Variants in CCDC73 observed in about 807,000 individuals in gnomAD.
The protein encoded by CCDC73 is coiled-coil domain containing 73.
Under a neutral mutation model 116.5 loss-of-function variants are expected in CCDC73, and 95 were observed. That is an observed-to-expected ratio of 0.82 (90% CI 0.69 to 0.97). The LOEUF (loss-of-function observed/expected upper bound fraction) is 0.97. Among genes scored for constraint, CCDC73 ranks in the 50% least tolerant of loss-of-function variants. CCDC73 has a pLI of 0.00. For synonymous variants in CCDC73, 398 were observed against 401.3 expected (o/e 0.99, Z 0.10); for missense variants, 1,066 against 1,206.8 (o/e 0.88, Z 1.73).
chr11:32,667,304 G>A (rs186701952), intron 9 of CCDC73, among the ~76,000 whole-genome samples: 18 of 152,340 alleles, frequency 1.2e-4, no homozygotes, highest in African/African-American at 4.1e-4. Flanking sequence ...GCTGTGGTGG[G>A]CTCCACCCAG....
intron 9 of CCDC73, among the ~76,000 whole-genome samples, chr11:32,665,107 T>G (rs920028882): frequency 6.6e-6 from 1 of 152,218 alleles, no homozygotes; most frequent in East Asian, 1.9e-4. Flanking sequence ...ATAAGTGTGA[T>G]GTGGTGCTGA....
At chr11:32,683,646 G>C (rs994585817) in intron 6 of CCDC73, 72 bp from the exon 7 acceptor site, 4 of 891,574 alleles carry the variant, frequency 4.5e-6, no homozygotes, top group Non-Finnish European at 7.1e-6. Context: ...GATATCAAAA[G>C]TGCGTGCTAT....
chr11:32,618,160 A>G (rs150375297), intron 14 of CCDC73, among the ~76,000 whole-genome samples: 2,284 of 152,344 alleles, frequency 0.015, 60 homozygotes, highest in African/African-American at 0.052. Flanking sequence ...TAATTTGCTT[A>G]GGATAATGGC....
chr11:32,638,908 T>C (rs1322405050), intron 13 of CCDC73, among the ~76,000 whole-genome samples: 2 of 151,830 alleles, frequency 1.3e-5, no homozygotes, highest in Admixed American at 6.6e-5. Flanking sequence ...AGCACCTTGA[T>C]AGGCCAAGGC....
intron 1 of CCDC73, among the ~76,000 whole-genome samples, chr11:32,779,936 T>A (rs1850568367): frequency 6.6e-6 from 1 of 152,126 alleles, no homozygotes; most frequent in Non-Finnish European, 1.5e-5. Flanking sequence ...TTTCTTTGGA[T>A]TAAAAGTGAA....
At chr11:32,820,881 T>G in the CCDC73 span, among the ~76,000 whole-genome samples, 2 of 152,366 alleles carry the variant, frequency 1.3e-5, no homozygotes, top group East Asian at 3.9e-4. Context: ...TTTCTTCTTT[T>G]GTGAATTGTC....
At chr11:32,737,750 G>A (rs1222350863) in intron 2 of CCDC73, among the ~76,000 whole-genome samples, 1 of 151,344 alleles carries the variant, frequency 6.6e-6, no homozygotes, top group Non-Finnish European at 1.5e-5. Flanking sequence ...TTAGACTATA[G>A]TCACCTTATT....
chr11:32,606,723 T>TA (rs2133212218), intron 17 of CCDC73, among the ~76,000 whole-genome samples: 1 of 152,210 alleles, frequency 6.6e-6, no homozygotes, highest in Admixed American at 6.5e-5. Flanking sequence ...CCTGGAAAGT[T>TA]ATTTCACATT....
At chr11:32,671,232 C>G (rs1325234185) in intron 9 of CCDC73, among the ~76,000 whole-genome samples, 1 of 152,060 alleles carries the variant, frequency 6.6e-6, no homozygotes, top group African/African-American at 2.4e-5. Context: ...ATCACTATCT[C>G]CTTGAGTGCT....
intron 14 of CCDC73, among the ~76,000 whole-genome samples, chr11:32,634,216 A>G (rs905976807): frequency 9.8e-5 from 15 of 152,310 alleles, no homozygotes; most frequent in African/African-American, 3.4e-4. Context: ...AAATATTGCA[A>G]AGAAAAAACA....
chr11:32,609,329 G>C (rs1409864302), intron 17 of CCDC73, among the ~76,000 whole-genome samples: 1 of 152,064 alleles, frequency 6.6e-6, no homozygotes, highest in Non-Finnish European at 1.5e-5. Context: ...TCTCTCTCAA[G>C]TTCAAAGTTC....
chr11:32,633,923 A>G (rs1412390918), intron 14 of CCDC73, among the ~76,000 whole-genome samples: 1 of 152,196 alleles, frequency 6.6e-6, no homozygotes, highest in Non-Finnish European at 1.5e-5. Flanking sequence ...CCAGGGGCCA[A>G]CTTTGCTAGG....
chr11:32,640,421 T>G (rs975106317), intron 13 of CCDC73, among the ~76,000 whole-genome samples: 2 of 152,182 alleles, frequency 1.3e-5, no homozygotes, highest in African/African-American at 4.8e-5. Context: ...TTTTTGCAAG[T>G]TTGGCATATT....
At chr11:32,823,702 G>A in the CCDC73 span, among the ~76,000 whole-genome samples, 22 of 150,546 alleles carry the variant, frequency 1.5e-4, no homozygotes, top group African/African-American at 5.1e-4. Context: ...GAATCAAATC[G>A]AATTATCACA....
rs562818422 is a variant in CCDC73 at position 32,784,156 on chromosome 11, C to T, written c.-16+10457G>A. Among the ~76,000 whole-genome samples the T allele has an allele frequency of 7.2e-5, 11 of 152,108 alleles. No homozygotes were observed. The South Asian group carries it at 2.3e-3, about 32-fold the overall frequency. ...ACCAGCCTGACCAACATGGAGAAAC[C>T]CCGTCTCTACTAAAAGATACAAAAT... On this transcript the variant is annotated intron_variant, in intron 1 of 17. Transcript: ENST00000335185.
chr11:32,804,838 G>A, the CCDC73 span, among the ~76,000 whole-genome samples: 1 of 152,176 alleles, frequency 6.6e-6, no homozygotes, highest in African/African-American at 2.4e-5. Flanking sequence ...TCTTCATTGA[G>A]TATTTACATT....
intron 1 of CCDC73, among the ~76,000 whole-genome samples, chr11:32,777,318 T>A (rs562843652): frequency 5.9e-5 from 9 of 152,152 alleles, no homozygotes; most frequent in African/African-American, 2.2e-4. Flanking sequence ...TTGGCCATGC[T>A]GGTCTTGAAC....
At chr11:32,656,189 T>C (rs966969278) in intron 9 of CCDC73, among the ~76,000 whole-genome samples, 2 of 152,086 alleles carry the variant, frequency 1.3e-5, no homozygotes, top group Admixed American at 1.3e-4. Flanking sequence ...GCCATTCTTC[T>C]GCCTCAGCCT....
intron 12 of CCDC73, among the ~76,000 whole-genome samples, chr11:32,643,538 T>C (rs1324397): frequency 0.43 from 65,893 of 151,940 alleles, 14,720 homozygotes; most frequent in African/African-American, 0.49. Context: ...GCTACAAACC[T>C]GTACAGCATC....
Sources: gnomAD v4.1 joint callset for allele counts (sites outside exome capture counted in the v4.1 genomes callset) on GRCh38, gnomAD v4.1.1 for gene constraint, MANE v1.5 for transcripts, NCBI Gene and HGNC (gene_info 2026-07-23, HGNC 2026-07-21) for gene names.